The following MYO3B variants were observed in gnomAD, a reference collection of about 807,000 sequenced individuals.
MYO3B encodes myosin-IIIb.
Under a neutral mutation model 174.6 loss-of-function variants are expected in MYO3B, and 156 were observed. That is an observed-to-expected ratio of 0.89 (90% confidence interval 0.78 to 1.02). The LOEUF (loss-of-function observed/expected upper bound fraction) is 1.02. Among genes scored for constraint, MYO3B ranks in the 50% least tolerant of loss-of-function variants. The probability of loss-of-function intolerance (pLI) is 0.00; values close to 1 mark genes in which losing one functional copy is unlikely to be tolerated. For synonymous variants in MYO3B, 563 were observed against 569.1 expected, an observed-to-expected ratio of 0.99 and a Z score of 0.15; for missense variants, 1,632 against 1,639.4, an observed-to-expected ratio of 1.00 and a Z score of 0.08.
intron 21 of MYO3B, among the ~76,000 whole-genome samples, chr2:170,406,536 A>C (rs1456847373): frequency 2.0e-5 from 3 of 152,076 alleles, no homozygotes; most frequent in Admixed American, 2.0e-4. Context: ...TATTTTATTT[A>C]CCTTAGCATA....
At position 170,400,454 on chromosome 2, in the gene MYO3B, G is replaced by A. The variant is rs1038219049; in HGVS notation, c.1918+140G>A. On this transcript the variant is annotated intron_variant, in intron 17 of 34. Transcript: ENST00000408978. Reference sequence around the variant, plus strand: ...GGAGTCTCACTCTGTCATCCAGGCTGGAGTCCAGTGGTGCAATCTCCGCTC... The same window carrying A: ...GGAGTCTCACTCTGTCATCCAGGCTAGAGTCCAGTGGTGCAATCTCCGCTC... The A allele has an allele frequency of 8.4e-5, 89 of 1,055,230 alleles. 1 individual carries two copies. In the Admixed American group the frequency reaches 2.3e-3, roughly 28 times the overall value. 65.4% of individuals were successfully genotyped at this position (1,055,230 alleles called of 1,614,324 possible). A position where few individuals can be genotyped will look rare whatever the true frequency, so the allele number is the denominator to read the frequency against.
chr2:170,540,337 C>T (rs1186273962), intron 30 of MYO3B, among the ~76,000 whole-genome samples: 1 of 152,026 alleles, frequency 6.6e-6, no homozygotes, highest in East Asian at 1.9e-4. Context: ...AAAAAAAGAA[C>T]CAATCCACAT....
intron 7 of MYO3B, among the ~76,000 whole-genome samples, chr2:170,246,425 T>C (rs1318124018): frequency 6.6e-6 from 1 of 152,212 alleles, no homozygotes; most frequent in East Asian, 1.9e-4. Flanking sequence ...AATAGCGTCA[T>C]GTGGACATAA....
At chr2:170,298,724 T>C (rs1445721270) in intron 7 of MYO3B, among the ~76,000 whole-genome samples, 1 of 147,902 alleles carries the variant, frequency 6.8e-6, no homozygotes, top group Non-Finnish European at 1.5e-5. Context: ...TACCCTGGCA[T>C]GGGAGTTTTG....
rs773287656 is a variant in MYO3B at position 170,236,001 on chromosome 2, G to A, written c.614G>A (p.Cys205Tyr). The A allele has an allele frequency of 8.1e-6, 13 of 1,613,954 alleles. No homozygotes were observed. Among genetic ancestry groups the A allele is most frequent in the African/African-American group, 1.3e-5 (1 of 74,926 alleles). Reference protein sequence around the residue: ...PFWMAPEVIACEQQYDSSYDA... With the variant: ...PFWMAPEVIAYEQQYDSSYDA... ...GCTTTTGTCCAATAGGTCATTGCCT[G>A]TGAGCAGCAGTATGACTCTTCCTAT... is the stretch of plus-strand genomic sequence containing the variant. The change falls in exon 7 of 35, where the codon TGT becomes TAT. Residue 205 changes from cysteine to tyrosine, a missense_variant. By Grantham distance (194) the Cys-to-Tyr change is radical. Coordinates refer to ENST00000408978, the MANE Select transcript of MYO3B (RefSeq NM_138995.5).
intron 32 of MYO3B, among the ~76,000 whole-genome samples, chr2:170,649,353 T>TA (rs1559202500): frequency 0.011 from 430 of 40,506 alleles, 79 homozygotes; most frequent in African/African-American, 0.058. Flanking sequence ...TAAAATAATA[T>TA]ATAATATATT....
intron 23 of MYO3B, among the ~76,000 whole-genome samples, chr2:170,462,873 A>G (rs542759988): frequency 6.6e-6 from 1 of 151,960 alleles, no homozygotes; most frequent in South Asian, 2.1e-4. Flanking sequence ...TCCTATCTGC[A>G]ATGAGCACAT....
At chr2:170,401,796 C>CTTTTTTTTTTTTTTTTTTTTTTTTTTTT (rs1268110549) in intron 18 of MYO3B, 105 bp downstream of exon 18, 1 of 791,884 alleles carries the variant, frequency 1.3e-6, no homozygotes, top group African/African-American at 1.9e-5. Flanking sequence ...GATTTTCTTT[C>CTTTTTTTTTTTTTTTTTTTTTTTTTTTT]TTTTTCTTTT....
At chr2:170,239,313 G>A (rs2093105544) in intron 7 of MYO3B, among the ~76,000 whole-genome samples, 1 of 152,168 alleles carries the variant, frequency 6.6e-6, no homozygotes, top group Non-Finnish European at 1.5e-5. Context: ...AATAGAGTTA[G>A]TGGAAATATA....
At chr2:170,379,221 A>T (rs1182766855) in intron 9 of MYO3B, among the ~76,000 whole-genome samples, 2 of 141,396 alleles carry the variant, frequency 1.4e-5, no homozygotes, top group African/African-American at 2.6e-5. Flanking sequence ...TTTGAGACGG[A>T]ATCTTGCTCT....
chr2:170,305,899 T>G (rs1379001186), intron 7 of MYO3B, among the ~76,000 whole-genome samples: 1 of 152,164 alleles, frequency 6.6e-6, no homozygotes, highest in Non-Finnish European at 1.5e-5. Flanking sequence ...ATCCCAAACC[T>G]TAGTGGGTTA....
In MYO3B at chr2:170,221,758, G is replaced by A. The variant is rs12104923; in HGVS notation, c.603+4363G>A. Among the ~76,000 whole-genome samples the A allele has an allele frequency of 9.9e-3, 1,510 of 151,812 alleles. 25 individuals are homozygous for A. Among genetic ancestry groups the A allele is most frequent in the African/African-American group, 0.034 (1,406 of 41,204 alleles). ...AGTAGAATTTTTTTTTAAAAGATGG[G>A]GTCTTACCATGTTGCCCAGGCTGGT... On this transcript the variant is annotated intron_variant, in intron 6 of 34. Coordinates refer to ENST00000408978, the MANE Select transcript of MYO3B (RefSeq NM_138995.5).
intron 8 of MYO3B, chr2:170,345,137 G>C (rs2094006983): frequency 6.6e-6 from 1 of 152,156 alleles, no homozygotes; most frequent in Non-Finnish European, 1.5e-5. Flanking sequence ...CTGGCTCTGG[G>C]TCAGTTAGAA....
chr2:170,214,654 T>C, intron 4 of MYO3B, 75 bp from the exon 5 acceptor site: 1 of 1,397,016 alleles, frequency 7.2e-7, no homozygotes, highest in Non-Finnish European at 1.0e-6. Context: ...AATAGTAGGG[T>C]AATTGCTTTA....
chr2:170,329,150 TC>T (rs1574795675), intron 7 of MYO3B, among the ~76,000 whole-genome samples: 8 of 130,552 alleles, frequency 6.1e-5, no homozygotes, highest in African/African-American at 1.6e-4. Context: ...AGACTCTGTC[TC>T]CAAAAAAAAA....
rs112408971 is a variant in MYO3B, at chr2:170,530,015, C to T, written c.3575+10475C>T. Among the ~76,000 whole-genome samples, 417 of 152,310 alleles carry T rather than the reference C, an allele frequency of 2.7e-3. 1 individual carries two copies. Among genetic ancestry groups the T allele is most frequent in the African/African-American group, 9.4e-3 (390 of 41,564 alleles). On this transcript the variant is annotated intron_variant, in intron 30 of 34. Coordinates refer to ENST00000408978, the MANE Select transcript of MYO3B (RefSeq NM_138995.5). ...AATATGCCAATATATTTTCCACTAG[C>T]ATCGCCCTGGTCACCTTAAATTAAG...
chr2:170,395,546 AT>A (rs1170314179), intron 16 of MYO3B, among the ~76,000 whole-genome samples: 1 of 152,164 alleles, frequency 6.6e-6, no homozygotes, highest in Non-Finnish European at 1.5e-5. Context: ...AGATTGAAGG[AT>A]TATATGTGAA....
intron 1 of MYO3B, among the ~76,000 whole-genome samples, chr2:170,197,480 C>G (rs2092613722): frequency 6.6e-6 from 1 of 152,174 alleles, no homozygotes. Context: ...GGGATCTTCT[C>G]TCATTTTCAC....
At chr2:170,478,098 A>T (rs559233072) in intron 25 of MYO3B, among the ~76,000 whole-genome samples, 2 of 152,190 alleles carry the variant, frequency 1.3e-5, no homozygotes, top group East Asian at 3.9e-4. Flanking sequence ...TCAGGAAAGA[A>T]AAAATTTTTT....
Sources: gnomAD v4.1 joint callset for allele counts (sites outside exome capture counted in the v4.1 genomes callset) on GRCh38, gnomAD v4.1.1 for gene constraint, MANE v1.5 for transcripts, NCBI Gene and HGNC (gene_info 2026-07-23, HGNC 2026-07-21) for gene names.